The following GXYLT2 variants were observed in gnomAD, a reference collection of about 807,000 sequenced individuals.
GXYLT2 encodes glucoside xylosyltransferase 2.
Under a neutral mutation model 45.8 loss-of-function variants are expected in GXYLT2, and 53 were observed. The observed-to-expected ratio is 1.16, with a 90% CI of 0.93 to 1.46. The LOEUF is 1.46. Among genes scored for constraint, GXYLT2 ranks in the 40% most tolerant of loss-of-function variants. The pLI is 0.00. For synonymous variants in GXYLT2, 219 were observed against 214.2 expected, an observed-to-expected ratio of 1.02 and a Z score of -0.19; for missense variants, 551 against 544.4, an observed-to-expected ratio of 1.01 and a Z score of -0.12.
chr3:72,893,765 G>C (rs191007230), intron 1 of GXYLT2, among the ~76,000 whole-genome samples: 34 of 152,158 alleles, frequency 2.2e-4, no homozygotes, highest in Non-Finnish European at 3.5e-4. Flanking sequence ...AGAATAGTGA[G>C]GGTCTTTAAT....
At chr3:72,896,124 C>A (rs1489325467) in intron 1 of GXYLT2, among the ~76,000 whole-genome samples, 11 of 152,180 alleles carry the variant, frequency 7.2e-5, no homozygotes, top group Admixed American at 7.2e-4. Flanking sequence ...ATAACTAGAC[C>A]CAGCTAAGTA....
chr3:72,922,462 G>A, intron 3 of GXYLT2, 127 bp downstream of exon 3: 1 of 891,404 alleles, frequency 1.1e-6, no homozygotes, highest in Non-Finnish European at 1.7e-6. Flanking sequence ...TGGAGCTGAT[G>A]CTCTAAGTCT....
At chr3:72,935,364 A>T (rs1229628245) in intron 3 of GXYLT2, among the ~76,000 whole-genome samples, 1 of 152,222 alleles carries the variant, frequency 6.6e-6, no homozygotes, top group African/African-American at 2.4e-5. Context: ...AAATGATCAG[A>T]AACTTAGAGG....
At chr3:72,973,620 G>A (rs1000330700) in intron 6 of GXYLT2, among the ~76,000 whole-genome samples, 14 of 152,350 alleles carry the variant, frequency 9.2e-5, no homozygotes, top group African/African-American at 3.1e-4. Context: ...GGCCAGCATG[G>A]GCTTGCGTGG....
At position 72,888,208 on chromosome 3, in the gene GXYLT2, G is replaced by A; in HGVS notation, c.-26G>A. On this transcript the variant is annotated 5_prime_UTR_variant, in exon 1 of 7. Coordinates refer to ENST00000389617, the MANE Select transcript of GXYLT2 (RefSeq NM_001080393.2). ...GCGCAGAGGGGCCGAGCCGCCTGGG[G>A]GCCGCCGCCGCCGCCGCGCCGCACC... 1.0e-6 allele frequency: 1 copy of A among 985,874 alleles called. No homozygotes were observed. The highest frequency in any genetic ancestry group is 6.3e-5 in the Admixed American group (1 of 15,842). 61.1% of individuals were successfully genotyped at this position (985,874 alleles called of 1,614,324 possible). A position where few individuals can be genotyped will look rare whatever the true frequency, so the allele number is the denominator to read the frequency against.
chr3:72,941,639 T>G (rs1710300778), intron 3 of GXYLT2, among the ~76,000 whole-genome samples: 1 of 152,062 alleles, frequency 6.6e-6, no homozygotes, highest in African/African-American at 2.4e-5. Flanking sequence ...ACAAATTATT[T>G]CTCACAGGCA....
At chr3:72,903,669 C>T (rs1709448451) in intron 1 of GXYLT2, among the ~76,000 whole-genome samples, 2 of 152,226 alleles carry the variant, frequency 1.3e-5, no homozygotes, top group South Asian at 4.1e-4. Flanking sequence ...GGCATCTCTT[C>T]CAGCCACAAA....
intron 3 of GXYLT2, among the ~76,000 whole-genome samples, chr3:72,953,526 G>A (rs1710565865): frequency 6.6e-6 from 1 of 152,108 alleles, no homozygotes; most frequent in East Asian, 1.9e-4. Flanking sequence ...CTGGGCTCAA[G>A]CTATCTGCCT....
chr3:72,891,649 C>T (rs1411134023), intron 1 of GXYLT2, among the ~76,000 whole-genome samples: 4 of 152,166 alleles, frequency 2.6e-5, no homozygotes, highest in African/African-American at 9.7e-5. Context: ...TGGTGATTTA[C>T]AGCTGGCTGA....
intron 2 of GXYLT2, 48 bp from the exon 3 acceptor site, chr3:72,922,156 T>C: frequency 6.4e-7 from 1 of 1,565,916 alleles, no homozygotes; most frequent in Non-Finnish European, 8.7e-7. Context: ...GCATTTTCCA[T>C]ATTTCCTAGG....
intron 3 of GXYLT2, among the ~76,000 whole-genome samples, chr3:72,949,423 A>C (rs1710472579): frequency 6.9e-6 from 1 of 145,204 alleles, no homozygotes; most frequent in African/African-American, 2.6e-5. Context: ...TCTCATCATC[A>C]CTTTGCTTTG....
chr3:72,900,420 AT>A (rs888969088), intron 1 of GXYLT2, among the ~76,000 whole-genome samples: 2 of 149,338 alleles, frequency 1.3e-5, no homozygotes, highest in African/African-American at 4.9e-5. Flanking sequence ...TCACAATTTT[AT>A]TTTTTTTTTG....
Position 72,913,651 on chromosome 3 carries a change from C to T in GXYLT2, c.468+5092C>T, listed in dbSNP as rs901361740. Among the ~76,000 whole-genome samples, 13 of 152,048 alleles carry T rather than the reference C, an allele frequency of 8.5e-5. No homozygotes were observed. The South Asian group carries it at 1.7e-3, about 19-fold the overall frequency. On this transcript the variant is annotated intron_variant, in intron 2 of 6. Transcript: ENST00000389617. ...TGGAGGTTGCAGTGAGCCAAGATTACGCCACTGTACTCCAGCCTGGGTGAC... is the reference window on the plus strand; with the variant it reads ...TGGAGGTTGCAGTGAGCCAAGATTATGCCACTGTACTCCAGCCTGGGTGAC...
chr3:72,939,013 C>G (rs936349400), intron 3 of GXYLT2, among the ~76,000 whole-genome samples: 1 of 151,994 alleles, frequency 6.6e-6, no homozygotes, highest in African/African-American at 2.4e-5. Flanking sequence ...TAGAACGTCA[C>G]AAAAATGAAT....
At chr3:72,912,012 TA>T (rs1479320643) in intron 2 of GXYLT2, among the ~76,000 whole-genome samples, 1,548 of 122,568 alleles carry the variant, frequency 0.013, 16 homozygotes, top group Admixed American at 0.016. Flanking sequence ...TATATATATA[TA>T]TTTTTTTTTT....
intron 2 of GXYLT2, among the ~76,000 whole-genome samples, chr3:72,918,320 C>T (rs1474032458): frequency 1.3e-5 from 2 of 152,184 alleles, no homozygotes; most frequent in African/African-American, 4.8e-5. Flanking sequence ...AGTTCTATGA[C>T]ATTATCACTA....
intron 3 of GXYLT2, among the ~76,000 whole-genome samples, chr3:72,934,787 A>T (rs189310842): frequency 1.3e-5 from 2 of 152,360 alleles, no homozygotes; most frequent in Non-Finnish European, 2.9e-5. Flanking sequence ...CATGAGATTC[A>T]GTAAAAAACT....
chr3:72,904,887 A>AT (rs539801481), intron 1 of GXYLT2, among the ~76,000 whole-genome samples: 5,168 of 66,208 alleles, frequency 0.078, 147 homozygotes, highest in Non-Finnish European at 0.12. Context: ...CAAAAAAAAA[A>AT]AAAAAAAAAA....
At chr3:72,904,368 C>G (rs1320214418) in intron 1 of GXYLT2, among the ~76,000 whole-genome samples, 1 of 152,236 alleles carries the variant, frequency 6.6e-6, no homozygotes, top group Non-Finnish European at 1.5e-5. Context: ...GACTGCACAG[C>G]ACTAACACTG....
Sources: allele counts gnomAD v4.1 joint callset (sites outside exome capture counted in the v4.1 genomes callset), GRCh38; gene constraint gnomAD v4.1.1; transcripts MANE v1.5; gene names NCBI Gene and HGNC (gene_info 2026-07-23, HGNC 2026-07-21).